Variants in USP3 observed in about 807,000 individuals in gnomAD.
USP3 encodes ubiquitin carboxyl-terminal hydrolase 3.
A neutral mutation model predicts 72.3 loss-of-function variants in USP3; 20 were observed. The ratio of observed to expected loss-of-function variants is 0.28; its 90% CI spans 0.19 to 0.40. The LOEUF is 0.40. USP3 is among the 10% of genes least tolerant of loss of function. The pLI, the probability that USP3 is intolerant of heterozygous loss-of-function variation, is 1.00. For synonymous variants in USP3, 222 were observed against 225.3 expected, an observed-to-expected ratio of 0.99 and a Z score of 0.13; for missense variants, 479 against 633.9, an observed-to-expected ratio of 0.76 and a Z score of 2.62.
chr15:63,578,283 GAA>G lies in USP3; in HGVS notation c.1096+3883_1096+3884del, dbSNP rs1249181045. On this transcript the variant is annotated intron_variant, in intron 11 of 14. Coordinates refer to ENST00000380324, the MANE Select transcript of USP3 (RefSeq NM_006537.4). ...AGTGACACTCTGTCTCAAAAACAAA[GAA>G]AAGAAAAAACTTTTATTAGGAATAG... Among the ~76,000 whole-genome samples the G allele has an allele frequency of 3.7e-4, 56 of 150,924 alleles. 1 individual carries two copies. The highest frequency in any genetic ancestry group is 2.8e-3 in the Admixed American group (43 of 15,180).
chr15:63,517,357 C>A (rs958026069), intron 1 of USP3, among the ~76,000 whole-genome samples: 2 of 152,146 alleles, frequency 1.3e-5, no homozygotes, highest in African/African-American at 4.8e-5. Context: ...ACCACTCCAG[C>A]AGTTCAGAGT....
At chr15:63,575,158 G>GTT (rs11321018) in intron 11 of USP3, among the ~76,000 whole-genome samples, 17 of 121,462 alleles carry the variant, frequency 1.4e-4, no homozygotes, top group Admixed American at 5.8e-4. Context: ...TGTCATGATG[G>GTT]TTTTTTTTTT....
intron 9 of USP3, 59 bp from the exon 10 acceptor site, chr15:63,573,987 T>G (rs1377871343): frequency 8.0e-7 from 1 of 1,252,100 alleles, no homozygotes; most frequent in Non-Finnish European, 1.1e-6. Context: ...TGTAGTTTTT[T>G]AAATGTCAAA....
chr15:63,581,086 G>A (rs1316015477), intron 11 of USP3, among the ~76,000 whole-genome samples: 4 of 152,078 alleles, frequency 2.6e-5, no homozygotes, highest in Admixed American at 1.3e-4. Context: ...GATGACAGGC[G>A]TGAGCCACCG....
intron 3 of USP3, chr15:63,551,376 A>T (rs979827353): frequency 1.3e-5 from 2 of 151,700 alleles, no homozygotes; most frequent in Non-Finnish European, 2.9e-5. Context: ...TCTATTTTTA[A>T]TTTTTAAGCT....
intron 4 of USP3, among the ~76,000 whole-genome samples, chr15:63,554,493 C>T (rs1412725793): frequency 6.6e-6 from 1 of 152,186 alleles, no homozygotes; most frequent in South Asian, 2.1e-4. Context: ...AGAAGCATGG[C>T]TCTGGAATGA....
At chr15:63,561,042 G>A (rs181775271) in intron 7 of USP3, among the ~76,000 whole-genome samples, 17 of 152,134 alleles carry the variant, frequency 1.1e-4, no homozygotes, top group South Asian at 4.2e-4. Flanking sequence ...AAAGCCAGGC[G>A]TGGAGCAGGG....
chr15:63,505,226 C>T (rs1033203407), intron 1 of USP3, among the ~76,000 whole-genome samples: 15 of 152,096 alleles, frequency 9.9e-5, no homozygotes, highest in African/African-American at 3.1e-4. Flanking sequence ...GGCGGCCGCA[C>T]GTGTGGCGGG....
chr15:63,547,670 C>T (rs2066350046), intron 3 of USP3, among the ~76,000 whole-genome samples: 2 of 148,718 alleles, frequency 1.3e-5, no homozygotes. Context: ...GTCAAGGCTG[C>T]AGTGAGCTGT....
chr15:63,535,978 CT>C (rs1355957956), intron 2 of USP3, among the ~76,000 whole-genome samples: 5 of 152,188 alleles, frequency 3.3e-5, no homozygotes, highest in Non-Finnish European at 7.3e-5. Context: ...TCTTAAGGGT[CT>C]TCACGTTGGT....
chr15:63,576,145 C>T (rs1441912127), intron 11 of USP3, among the ~76,000 whole-genome samples: 2 of 152,092 alleles, frequency 1.3e-5, no homozygotes, highest in Admixed American at 6.5e-5. Context: ...TGCCACCACA[C>T]CTGGCTAATT....
At chr15:63,526,151 T>G (rs2065978498) in intron 1 of USP3, among the ~76,000 whole-genome samples, 1 of 152,232 alleles carries the variant, frequency 6.6e-6, no homozygotes, top group Non-Finnish European at 1.5e-5. Context: ...GTTATTCCTT[T>G]TACATAGCTG....
chr15:63,551,518 GCATAGAAAAAT>G (rs1289800203), intron 3 of USP3, among the ~76,000 whole-genome samples: 6 of 152,132 alleles, frequency 3.9e-5, no homozygotes, highest in East Asian at 1.9e-4. Flanking sequence ...CTACATTGTT[GCATAGAAAAAT>G]CATAGAAAAA....
chr15:63,583,125 A>G (rs2066993675), intron 11 of USP3, among the ~76,000 whole-genome samples: 1 of 152,052 alleles, frequency 6.6e-6, no homozygotes, highest in African/African-American at 2.4e-5. Flanking sequence ...GGGGGGAAAA[A>G]GGCTTCTCTG....
At chr15:63,543,645 C>T (rs1379470504) in intron 3 of USP3, among the ~76,000 whole-genome samples, 2 of 152,114 alleles carry the variant, frequency 1.3e-5, no homozygotes, top group Admixed American at 6.5e-5. Flanking sequence ...ATATGTGTAG[C>T]CACATGGACA....
Position 63,591,907 on chromosome 15 carries a change from T to C in USP3, c.*1081T>C, listed in dbSNP as rs1330998293. The C allele has an allele frequency of 2.0e-5, 3 of 152,242 alleles. No homozygotes were observed. Among genetic ancestry groups the C allele is most frequent in the Admixed American group, 6.5e-5 (1 of 15,272 alleles). The allele number at this position is 152,242 out of a possible 1,614,324, so 9.4% of individuals were successfully genotyped here. A position where few individuals can be genotyped will look rare whatever the true frequency, so the allele number is the denominator to read the frequency against. ...CTGTTGGAGTAAGTAAGTGGAGTTT[T>C]CGTTTTGTTTTTTGGGGGTTTTTGG... On this transcript the variant is annotated 3_prime_UTR_variant, in exon 15 of 15. Transcript: ENST00000380324.
intron 8 of USP3, among the ~76,000 whole-genome samples, chr15:63,564,648 C>T (rs1040526477): frequency 2.0e-5 from 3 of 152,324 alleles, no homozygotes; most frequent in Admixed American, 6.5e-5. Context: ...TTGGAATATT[C>T]CTACTGATGA....
At chr15:63,505,435 A>T (rs1395106202) in intron 1 of USP3, among the ~76,000 whole-genome samples, 1 of 152,126 alleles carries the variant, frequency 6.6e-6, no homozygotes, top group Non-Finnish European at 1.5e-5. Context: ...GGGGTCTTTC[A>T]TCCGTCAGGG....
intron 4 of USP3, among the ~76,000 whole-genome samples, chr15:63,554,525 C>G (rs1270112824): frequency 6.6e-6 from 1 of 152,172 alleles, no homozygotes; most frequent in African/African-American, 2.4e-5. Flanking sequence ...AGTGAAATCT[C>G]TGTACATCAC....
Sources: allele counts gnomAD v4.1 joint callset (sites outside exome capture counted in the v4.1 genomes callset), GRCh38; gene constraint gnomAD v4.1.1; transcripts MANE v1.5; gene names NCBI Gene and HGNC (gene_info 2026-07-23, HGNC 2026-07-21).